Variants in CLPX observed in about 807,000 individuals in gnomAD.
CLPX encodes ATP-dependent clpX-like chaperone, mitochondrial.
Under a neutral mutation model 76.4 loss-of-function variants are expected in CLPX, and 34 were observed. The observed-to-expected ratio is 0.45, with a 90% CI of 0.34 to 0.59. CLPX has a LOEUF of 0.59. Ranked by LOEUF, CLPX falls within the 20% of genes least tolerant of loss-of-function variation. The probability of loss-of-function intolerance (pLI) is 0.01; values close to 1 mark genes in which losing one functional copy is unlikely to be tolerated. For missense variants in CLPX, 613 were observed against 757.0 expected, an observed-to-expected ratio of 0.81 and a Z score of 2.23; for synonymous variants, 248 against 270.9, an observed-to-expected ratio of 0.92 and a Z score of 0.83.
intron 6 of CLPX, 49 bp from the exon 7 acceptor site, chr15:65,158,800 G>C: frequency 6.9e-7 from 1 of 1,448,760 alleles, no homozygotes; most frequent in Non-Finnish European, 9.3e-7. Context: ...GAATTTACTT[G>C]AAGAAAATGT....
intron 6 of CLPX, among the ~76,000 whole-genome samples, chr15:65,161,897 G>A (rs2087860215): frequency 6.6e-6 from 1 of 152,100 alleles, no homozygotes; most frequent in Non-Finnish European, 1.5e-5. Context: ...TGGTACACAA[G>A]TTATATTCTC....
At chr15:65,171,445 T>G (rs2088005342) in intron 3 of CLPX, among the ~76,000 whole-genome samples, 1 of 146,438 alleles carries the variant, frequency 6.8e-6, no homozygotes. Context: ...AGACTCAGTC[T>G]CAAAAAAAAA....
chr15:65,177,548 T>C (rs1231988897), intron 3 of CLPX, among the ~76,000 whole-genome samples: 1 of 152,132 alleles, frequency 6.6e-6, no homozygotes. Flanking sequence ...AAAGTCTCAA[T>C]ATTAGGGTTA....
intron 1 of CLPX, among the ~76,000 whole-genome samples, chr15:65,181,427 T>G (rs1439607788): frequency 1.3e-5 from 2 of 152,104 alleles, no homozygotes; most frequent in Non-Finnish European, 2.9e-5. Flanking sequence ...TAGTTAAGTC[T>G]TGTAAATTTT....
chr15:65,175,598 C>A (rs573778231), intron 3 of CLPX, among the ~76,000 whole-genome samples: 11 of 152,098 alleles, frequency 7.2e-5, no homozygotes, highest in African/African-American at 2.7e-4. Context: ...AATGTTTTCA[C>A]GTTTTGGAAT....
chr15:65,174,320 A>AGT (rs1360832612), intron 3 of CLPX, among the ~76,000 whole-genome samples: 1 of 147,790 alleles, frequency 6.8e-6, no homozygotes, highest in African/African-American at 2.5e-5. Flanking sequence ...GCTGGAGTGC[A>AGT]GTGGTGTGAT....
chr15:65,154,793 T>A lies in CLPX; in HGVS notation c.1600A>T (p.Ser534Cys), dbSNP rs111784082. 1 of 1,604,582 alleles carries A rather than the reference T, an allele frequency of 6.2e-7. No individual in the cohort carries two copies. Among genetic ancestry groups the A allele is most frequent in the Non-Finnish European group, 8.5e-7 (1 of 1,172,238 alleles). ...AVIPQYQALF[S>C]MDKCELNVTE... The stretch of plus-strand genomic sequence containing the variant: ...AATAAAAATCTAACCTTATCCATGC[T>A]GAATAAGGCCTGGTACTGAGGAATA... Residue 534 changes from serine (S) to cysteine (C), a missense_variant, in exon 11 of 14, where the codon AGC (serine) becomes TGC (cysteine). Transcript: ENST00000300107.
At position 65,154,713 on chromosome 15, in the gene CLPX, GTTAAT is replaced by G. The variant is rs2087764916; in HGVS notation, c.1611+64_1611+68del. ...GAGCAGAATTTGTTTTTGTTGTTAG[GTTAAT>G]TTATGTAGAATTTCAATAGCAAGAA... On this transcript the variant is annotated intron_variant, in intron 11 of 13. Coordinates refer to ENST00000300107, the MANE Select transcript of CLPX (RefSeq NM_006660.5). 2.1e-5 allele frequency: 26 copies of G among 1,262,204 alleles called. No homozygotes were observed. In the South Asian group the frequency reaches 3.4e-4, roughly 17 times the overall value. The allele number at this position is 1,262,204 out of a possible 1,614,324, so 78.2% of individuals were successfully genotyped here.
intron 4 of CLPX, among the ~76,000 whole-genome samples, chr15:65,165,084 C>A (rs924241519): frequency 6.4e-4 from 98 of 152,226 alleles, no homozygotes; most frequent in Middle Eastern, 3.4e-3. Flanking sequence ...CGGCTGTAAT[C>A]CCTGCACTTT....
At chr15:65,177,217 C>A (rs1005653093) in intron 3 of CLPX, among the ~76,000 whole-genome samples, 5 of 151,924 alleles carry the variant, frequency 3.3e-5, no homozygotes, top group Non-Finnish European at 5.9e-5. Context: ...TTCAGATGCA[C>A]GCCACCACGC....
chr15:65,149,525 C>A lies in CLPX; in HGVS notation c.*1298G>T. On this transcript the variant is annotated 3_prime_UTR_variant, in exon 14 of 14. Transcript: ENST00000300107. ...TAACTTTCTGAAGATTTAAGCCAGA[C>A]TTCAATTCCATGTACTCACCCATAG... 2.3e-6 allele frequency: 1 copy of A among 427,976 alleles called. No homozygotes were observed. The allele number at this position is 427,976 out of a possible 1,614,324, so 26.5% of individuals were successfully genotyped here.
At chr15:65,182,116 C>T (rs2088182624) in intron 1 of CLPX, among the ~76,000 whole-genome samples, 1 of 134,064 alleles carries the variant, frequency 7.5e-6, no homozygotes, top group East Asian at 2.1e-4. Context: ...GAGTCTCCGT[C>T]TCAAAAAAAA....
At chr15:65,156,493 A>G (rs1354833259) in intron 9 of CLPX, among the ~76,000 whole-genome samples, 1 of 152,232 alleles carries the variant, frequency 6.6e-6, no homozygotes, top group African/African-American at 2.4e-5. Context: ...AAATAAGTGG[A>G]AGGAATAAGA....
intron 3 of CLPX, among the ~76,000 whole-genome samples, chr15:65,171,879 G>A (rs2088012042): frequency 1.3e-5 from 2 of 152,086 alleles, no homozygotes; most frequent in African/African-American, 2.4e-5. Context: ...TTGAATATTT[G>A]CAACACAATT....
chr15:65,172,186 C>T (rs2088018600), intron 3 of CLPX, among the ~76,000 whole-genome samples: 1 of 152,100 alleles, frequency 6.6e-6, no homozygotes, highest in African/African-American at 2.4e-5. Flanking sequence ...TGGTCTCAAA[C>T]TCCCAACCTC....
intron 1 of CLPX, among the ~76,000 whole-genome samples, chr15:65,181,820 G>C (rs912019918): frequency 6.7e-6 from 1 of 150,226 alleles, no homozygotes; most frequent in Admixed American, 6.6e-5. Context: ...CCAAAAGTAG[G>C]CTTAGAAAAA....
intron 13 of CLPX, among the ~76,000 whole-genome samples, chr15:65,151,909 G>A (rs916175072): frequency 1.3e-5 from 2 of 152,002 alleles, no homozygotes; most frequent in Non-Finnish European, 2.9e-5. Flanking sequence ...TAGCTTGCTA[G>A]CCAAATCCAG....
chr15:65,153,544 C>T lies in CLPX; in HGVS notation c.1704+3G>A. Reference sequence around the variant, plus strand: ...TTGTTTTTATAGAATAATGCCAACTCACCATTATGGACCGAAGGCCTCGTG... The same window carrying T: ...TTGTTTTTATAGAATAATGCCAACTTACCATTATGGACCGAAGGCCTCGTG... On this transcript the variant is annotated splice_donor_region_variant and intron_variant, in intron 12 of 13. Transcript: ENST00000300107. 1 of 1,556,264 alleles carries T rather than the reference C, an allele frequency of 6.4e-7. No individual in the cohort carries two copies. The highest frequency in any genetic ancestry group is 8.8e-7 in the Non-Finnish European group (1 of 1,137,518).
rs113561876 is a variant in CLPX, at chr15:65,158,485, G to A, written c.892+90C>T. ...GCCTTAGATTTTCTTCTCAAGAGCCGTAATACTTCAATCGCAAGATACAGG... is the reference window on the plus strand; with the variant it reads ...GCCTTAGATTTTCTTCTCAAGAGCCATAATACTTCAATCGCAAGATACAGG... On this transcript the variant is annotated intron_variant, in intron 7 of 13. Transcript: ENST00000300107. 3,549 of 1,086,976 alleles carry A rather than the reference G, an allele frequency of 3.3e-3. 47 individuals are homozygous for A. The highest frequency in any genetic ancestry group is 0.03 in the African/African-American group (1,866 of 63,228). The allele number at this position is 1,086,976 out of a possible 1,614,324, so 67.3% of individuals were successfully genotyped here. A position where few individuals can be genotyped will look rare whatever the true frequency, so the allele number is the denominator to read the frequency against.
Sources: gnomAD v4.1 joint callset for allele counts (sites outside exome capture counted in the v4.1 genomes callset) on GRCh38, gnomAD v4.1.1 for gene constraint, MANE v1.5 for transcripts, NCBI Gene and HGNC (gene_info 2026-07-23, HGNC 2026-07-21) for gene names.